CROCC2: variants seen among roughly 807,000 people sequenced by gnomAD.
CROCC2 encodes the protein ciliary rootlet coiled-coil protein 2.
CROCC2 carries 163 observed loss-of-function variants against 177.6 expected under a neutral mutation model. That is an observed-to-expected ratio of 0.92 (90% CI 0.81 to 1.05). CROCC2 has a LOEUF of 1.05. CROCC2 is among the 50% of genes least tolerant of loss of function. The pLI is 0.00. For synonymous variants in CROCC2, 904 were observed against 787.3 expected, an observed-to-expected ratio of 1.15 and a Z score of -2.48; for missense variants, 1,929 against 1,797.8, an observed-to-expected ratio of 1.07 and a Z score of -1.32.
rs1180822396 is a variant in CROCC2 at position 240,935,405 on chromosome 2, G to A, written c.1986G>A (p.Glu662=). The change falls in exon 14 of 32, where the codon GAG becomes GAA. Residue 662 remains glutamate (E), a synonymous_variant. Transcript: ENST00000690015. ...TGCGGGAACAGCGGAAGACTCTGGA[G>A]CAGGAACGGGCCCGGGCCGGGGAGC... The part of the protein sequence containing the change: ...DQLREQRKTL[E]QERARAGEQL... The A allele has an allele frequency of 8.0e-6, 11 of 1,376,322 alleles. No homozygotes were observed. Among genetic ancestry groups the A allele is most frequent in the Non-Finnish European group, 9.4e-7 (1 of 1,059,798 alleles). 85.3% of individuals were successfully genotyped at this position (1,376,322 alleles called of 1,614,324 possible).
intron 5 of CROCC2, among the ~76,000 whole-genome samples, chr2:240,928,780 G>A (rs1009097283): frequency 5.3e-5 from 8 of 151,808 alleles, no homozygotes; most frequent in Middle Eastern, 3.2e-3. Context: ...CTCGGAGGGC[G>A]TGCAGACAGG....
intron 27 of CROCC2, among the ~76,000 whole-genome samples, chr2:240,971,868 A>T (rs1258249273): frequency 2.0e-5 from 3 of 150,086 alleles, no homozygotes; most frequent in Admixed American, 6.7e-5. Context: ...TTCAGGTCTT[A>T]CTCCTACTCA....
In CROCC2 at chr2:240,958,809, G is replaced by A. The variant is rs1470343228; in HGVS notation, c.2944-492G>A. Among the ~76,000 whole-genome samples the A allele has an allele frequency of 6.6e-6, 1 of 152,194 alleles. No homozygotes were observed. The highest frequency in any genetic ancestry group is 1.5e-5 in the Non-Finnish European group (1 of 68,016). On this transcript the variant is annotated intron_variant, in intron 19 of 31. Transcript: ENST00000690015. This position sits in a 1 kb window ranked among gnomAD's most constrained non-coding sequence, Gnocchi z 6.7. ...TGTCCCGAGGGGCCTGGGGCTTGGG[G>A]TGAAGAAGGTGGTATTTGTCCATGA...
At position 240,932,392 on chromosome 2, in the gene CROCC2, TCAGAACCGACCTG is replaced by T. The variant is rs1559594942; in HGVS notation, c.1030_1042del (p.Asp344TrpfsTer27). 3 of 717,248 alleles carry T rather than the reference TCAGAACCGACCTG, an allele frequency of 4.2e-6. No individual in the cohort carries two copies. The highest frequency in any genetic ancestry group is 3.0e-5 in the South Asian group (2 of 67,584). The allele number at this position is 717,248 out of a possible 1,614,324, so 44.4% of individuals were successfully genotyped here. On this transcript the variant is annotated frameshift_variant, in exon 8 of 32. Coordinates refer to ENST00000690015, the MANE Select transcript of CROCC2 (RefSeq NM_001351305.2). LOFTEE classifies it high-confidence loss of function. ...CAGAAGGCGAAGACCATCGCTGCCCTCAGAACCGACCTGCAGAACCTGGTTGGTGGGCAGGACG... is the reference window on the plus strand; with the variant it reads ...CAGAAGGCGAAGACCATCGCTGCCCTCAGAACCTGGTTGGTGGGCAGGACG...
rs1037646044 is a variant in CROCC2 at position 240,965,864 on chromosome 2, C to T, written c.3832C>T (p.Gln1278Ter). 3.5e-6 allele frequency: 5 copies of T among 1,446,378 alleles called. No individual in the cohort carries two copies. In the African/African-American group the frequency reaches 4.3e-5, roughly 12 times the overall value. The allele number at this position is 1,446,378 out of a possible 1,614,324, so 89.6% of individuals were successfully genotyped here. Residue 1278 changes from glutamine to a stop codon, truncating the protein, a stop_gained, in exon 24 of 32, where the codon CAG becomes TAG. Coordinates refer to ENST00000690015, the MANE Select transcript of CROCC2 (RefSeq NM_001351305.2). LOFTEE classifies it high-confidence loss of function. The stretch of plus-strand genomic sequence containing the variant: ...CCACAGCCTGGAGCAGGAGCTGGCC[C>T]AGGCTGAGGGTGCAAGGCAGGATGC... ...RIHSLEQELA[Q>*]AEGARQDAEA...
At chr2:240,980,220 A>T in intron 27 of CROCC2, among the ~76,000 whole-genome samples, 1 of 47,444 alleles carries the variant, frequency 2.1e-5, no homozygotes, top group Admixed American at 2.1e-4. Context: ...TAGGAGCCTC[A>T]GGAGCCCAGG....
At chr2:240,956,218 G>A (rs2059589155) in intron 19 of CROCC2, among the ~76,000 whole-genome samples, 1 of 152,236 alleles carries the variant, frequency 6.6e-6, no homozygotes, top group Non-Finnish European at 1.5e-5. Context: ...TTAGCTTTGG[G>A]GCTGGCAGGG....
At chr2:240,942,514 T>A (rs1262368318) in intron 14 of CROCC2, among the ~76,000 whole-genome samples, 2 of 152,210 alleles carry the variant, frequency 1.3e-5, no homozygotes, top group Non-Finnish European at 2.9e-5. Flanking sequence ...ATTGTTTGTT[T>A]TTTTATTATG....
intron 28 of CROCC2, chr2:240,983,481 C>T: frequency 8.1e-7 from 1 of 1,241,250 alleles, no homozygotes; most frequent in Non-Finnish European, 1.0e-6. Context: ...GAGGCGCAGG[C>T]GGAGAGGCGC....
rs2059605437 is a variant in CROCC2, at chr2:240,958,140, G to A, written c.2944-1161G>A. On this transcript the variant is annotated intron_variant, in intron 19 of 31. Transcript: ENST00000690015. This position sits in a 1 kb window ranked among gnomAD's most constrained non-coding sequence, Gnocchi z 6.7. ...AAAACTGTTGAGAGGAGCGGGAGGA[G>A]AGGAATGCCGGCCAAGGAGCACCAG... is the stretch of plus-strand genomic sequence containing the variant. 2.0e-6 allele frequency: 2 copies of A among 985,398 alleles called. No homozygotes were observed. The highest frequency in any genetic ancestry group is 1.2e-6 in the Non-Finnish European group (1 of 829,906). 61.0% of individuals were successfully genotyped at this position (985,398 alleles called of 1,614,324 possible).
chr2:240,963,861 C>T (rs1347228008), intron 21 of CROCC2, 88 bp downstream of exon 21: 9 of 1,372,826 alleles, frequency 6.6e-6, no homozygotes, highest in Middle Eastern at 2.5e-4. Context: ...GGGGGCTAGG[C>T]AGGGGCGTCC....
chr2:240,937,978 G>T (rs1314359615), intron 14 of CROCC2, among the ~76,000 whole-genome samples: 1 of 152,210 alleles, frequency 6.6e-6, no homozygotes, highest in East Asian at 1.9e-4. Context: ...CGCCATGATT[G>T]TAAGTTTCCT....
Position 240,965,835 on chromosome 2 carries a change from G to A in CROCC2, c.3803G>A (p.Arg1268Gln), listed in dbSNP as rs751337462. ...GCTCGCCTGGACCAGGCCTGTCACC[G>A]AATCCACAGCCTGGAGCAGGAGCTG... ...LQARLDQACH[R>Q]IHSLEQELAQ... The change falls in exon 24 of 32, where the codon CGA (arginine) becomes CAA (glutamine). Residue 1268 changes from arginine to glutamine, a missense_variant. Arg to Gln is a conservative substitution (Grantham distance 43, BLOSUM62 1). Around this residue, in one of 3 missense-constraint regions of CROCC2, gnomAD observed 144 missense variants for 205.2 expected, o/e 0.70. Coordinates refer to ENST00000690015, the MANE Select transcript of CROCC2 (RefSeq NM_001351305.2). The A allele has an allele frequency of 1.2e-5, 18 of 1,454,850 alleles. No homozygotes were observed. The African/African-American group carries it at 1.4e-4, about 12-fold the overall frequency. The allele number at this position is 1,454,850 out of a possible 1,614,324, so 90.1% of individuals were successfully genotyped here. A position where few individuals can be genotyped will look rare whatever the true frequency, so the allele number is the denominator to read the frequency against.
chr2:240,920,187 C>T (rs1418477835), intron 3 of CROCC2, 53 bp downstream of exon 3: 2 of 605,500 alleles, frequency 3.3e-6, no homozygotes, highest in Non-Finnish European at 3.0e-6. Flanking sequence ...CCTGGCCCTT[C>T]GTGAGGGGTC....
At chr2:240,915,872 C>A (rs1363140005) in intron 1 of CROCC2, among the ~76,000 whole-genome samples, 2 of 152,294 alleles carry the variant, frequency 1.3e-5, no homozygotes, top group Admixed American at 6.5e-5. Flanking sequence ...CCGGGCTCAG[C>A]TGTGAGTCTG....
At chr2:240,969,391 G>A (rs2059706567) in intron 27 of CROCC2, among the ~76,000 whole-genome samples, 1 of 152,244 alleles carries the variant, frequency 6.6e-6, no homozygotes, top group African/African-American at 2.4e-5. Flanking sequence ...CTGCAGGGGA[G>A]AGGGGAGGGG....
At chr2:240,980,079 A>G (rs2059788062) in intron 27 of CROCC2, among the ~76,000 whole-genome samples, 1 of 68,100 alleles carries the variant, frequency 1.5e-5, no homozygotes, top group African/African-American at 5.9e-5. Context: ...CTGGGGTAGG[A>G]GCCTCAGGAT....
rs761199070 is a variant in CROCC2, at chr2:240,932,323, C to A, written c.953C>A (p.Ser318Ter). 1 of 715,436 alleles carries A rather than the reference C, an allele frequency of 1.4e-6. No homozygotes were observed. The highest frequency in any genetic ancestry group is 1.5e-5 in the South Asian group (1 of 67,362). The allele number at this position is 715,436 out of a possible 1,614,324, so 44.3% of individuals were successfully genotyped here. ...AEKVALQARL[S>*]EQTLLVEKLT... ...CACCCCCCGACTCCTCCCAGACTCT[C>A]GGAGCAAACCCTGCTGGTGGAGAAG... is the stretch of plus-strand genomic sequence containing the variant. The change falls in exon 8 of 32, where the codon TCG (serine) becomes TAG (stop). Residue 318 changes from serine to a stop codon, truncating the protein, a stop_gained. Transcript: ENST00000690015. LOFTEE classifies it high-confidence loss of function.
chr2:240,933,048 T>TG, intron 9 of CROCC2, 83 bp from the exon 10 acceptor site: 1 of 1,527,454 alleles, frequency 6.5e-7, no homozygotes, highest in Non-Finnish European at 8.9e-7. Flanking sequence ...GTGTCCTTTC[T>TG]GGGGAGTCGC....
Sources: allele counts gnomAD v4.1 joint callset (sites outside exome capture counted in the v4.1 genomes callset), GRCh38; gene constraint gnomAD v4.1.1; regional missense constraint gnomAD v4.1.1; non-coding constraint Gnocchi (gnomAD v3.1); transcripts MANE v1.5; gene names NCBI Gene and HGNC (gene_info 2026-07-23, HGNC 2026-07-21).